The following EML2 variants were observed in gnomAD, a reference collection of about 807,000 sequenced individuals.
The protein encoded by EML2 is echinoderm microtubule-associated protein-like 2.
Under a neutral mutation model 84.7 loss-of-function variants are expected in EML2, and 59 were observed. The observed-to-expected ratio is 0.70, with a 90% CI of 0.56 to 0.86. EML2 has a LOEUF of 0.86. EML2 is among the 40% of genes least tolerant of loss of function. The pLI, the probability that EML2 is intolerant of heterozygous loss-of-function variation, is 0.00. For synonymous variants in EML2, 352 were observed against 348.9 expected, an observed-to-expected ratio of 1.01 and a Z score of -0.10; for missense variants, 818 against 855.6, an observed-to-expected ratio of 0.96 and a Z score of 0.55.
upstream of EML2, chr19:45,643,761 C>T: frequency 1.3e-6 from 2 of 1,501,686 alleles, no homozygotes; most frequent in Non-Finnish European, 1.8e-6. Context: ...CCCTTCGTAG[C>T]CCAATCGCCT....
At chr19:45,618,534 C>A (rs1369322500) in intron 12 of EML2, among the ~76,000 whole-genome samples, 3 of 152,100 alleles carry the variant, frequency 2.0e-5, no homozygotes, top group Admixed American at 2.0e-4. Flanking sequence ...GGCGGCACCC[C>A]TGACAGGATG....
chr19:45,611,635 G>C (rs1970510917), intron 18 of EML2, among the ~76,000 whole-genome samples: 1 of 151,736 alleles, frequency 6.6e-6, no homozygotes, highest in Non-Finnish European at 1.5e-5. Context: ...ACAGGTGCCC[G>C]CCACCACCCA....
At chr19:45,645,046 C>A (rs1384664998), upstream of EML2, 5 of 602,128 alleles carry the variant, frequency 8.3e-6, no homozygotes, top group Non-Finnish European at 1.5e-5. Flanking sequence ...TCTCTCCTCT[C>A]CGTCTAGCCA....
Position 45,621,649 on chromosome 19 carries a change from C to G in EML2, c.842-12G>C. 1 of 1,604,528 alleles carries G rather than the reference C, an allele frequency of 6.2e-7. No individual in the cohort carries two copies. The highest frequency in any genetic ancestry group is 8.5e-7 in the Non-Finnish European group (1 of 1,178,942). ...GATACGGTTCCCACCTGCAGGGTGG[C>G]CAGGGGCAGGGTCAACAGGGAGAAG... On this transcript the variant is annotated splice_polypyrimidine_tract_variant and intron_variant, in intron 9 of 18. Transcript: ENST00000245925.
intron 3 of EML2, among the ~76,000 whole-genome samples, chr19:45,636,363 C>T (rs1973724343): frequency 1.3e-5 from 2 of 152,214 alleles, no homozygotes; most frequent in South Asian, 4.1e-4. Context: ...TTGTTAACTG[C>T]TCATATTCCC....
At position 45,609,693 on chromosome 19, in the gene EML2, G is replaced by A; in HGVS notation, c.1920C>T (p.Asp640=). The A allele has an allele frequency of 6.2e-7, 1 of 1,612,838 alleles. No individual in the cohort carries two copies. The highest frequency in any genetic ancestry group is 1.1e-5 in the South Asian group (1 of 90,966). The change falls in exon 19 of 19, where the codon GAC becomes GAT. Residue 640 remains aspartate, a synonymous_variant. Coordinates refer to ENST00000245925, the MANE Select transcript of EML2 (RefSeq NM_012155.4). ...DSMALTTGGK[D]TSVLQWRVV is the part of the protein sequence containing the mutation. ...CCACCCGCCACTGTAGCACACTGGT[G>A]TCCTTGCCCCCTGTGGTCAGGGCCA...
At chr19:45,644,917 T>G, upstream of EML2, 1 of 430,406 alleles carries the variant, frequency 2.3e-6, no homozygotes, top group Admixed American at 2.6e-5. Context: ...CCCCCTGCTA[T>G]GGAGATAGGG....
At chr19:45,636,660 G>C (rs1234879091) in intron 3 of EML2, among the ~76,000 whole-genome samples, 2 of 152,136 alleles carry the variant, frequency 1.3e-5, no homozygotes, top group Non-Finnish European at 2.9e-5. Flanking sequence ...AAAATATCTT[G>C]AATGGGCCAA....
chr19:45,630,728 A>T (rs1972933407), intron 6 of EML2, among the ~76,000 whole-genome samples: 1 of 152,160 alleles, frequency 6.6e-6, no homozygotes, highest in South Asian at 2.1e-4. Context: ...CTCTGCAGCC[A>T]GCACCCCTAG....
rs765066711 is a variant in EML2 at position 45,638,863 on chromosome 19, C to A, written c.31G>T (p.Glu11Ter). 7.4e-6 allele frequency: 12 copies of A among 1,613,604 alleles called. No individual in the cohort carries two copies. Among genetic ancestry groups the A allele is most frequent in the South Asian group, 5.5e-5 (5 of 91,038 alleles). The change falls in exon 2 of 19, where the codon GAA (glutamate) becomes TAA (stop). Residue 11 changes from glutamate (E) to a stop codon, truncating the protein, a stop_gained. Transcript: ENST00000245925. LOFTEE classifies it high-confidence loss of function. ...CACTCACCCACACTGAAGATAACTTCTTTGGTTTTGCTGTCAGGAAAGGAC... is the reference window on the plus strand; with the variant it reads ...CACTCACCCACACTGAAGATAACTTATTTGGTTTTGCTGTCAGGAAAGGAC... MSSFGAGKTK[E>*]VIFSVEDGSV...
chr19:45,614,063 C>G (rs1312186318), intron 17 of EML2, among the ~76,000 whole-genome samples: 1 of 152,228 alleles, frequency 6.6e-6, no homozygotes, highest in African/African-American at 2.4e-5. Context: ...AGACTGCTTT[C>G]CTTCTTCACT....
chr19:45,627,663 C>T (rs1351638621), intron 7 of EML2, among the ~76,000 whole-genome samples: 1 of 152,236 alleles, frequency 6.6e-6, no homozygotes, highest in Admixed American at 6.5e-5. Context: ...AGCTCCTCTC[C>T]TCTGCCCTAA....
At position 45,634,339 on chromosome 19, in the gene EML2, G is replaced by T; in HGVS notation, c.312C>A (p.His104Gln). 5 of 1,613,528 alleles carry T rather than the reference G, an allele frequency of 3.1e-6. No individual in the cohort carries two copies. Among genetic ancestry groups the T allele is most frequent in the Non-Finnish European group, 3.4e-6 (4 of 1,179,662 alleles). The change falls in exon 4 of 19, where the codon CAC (histidine) becomes CAA (glutamine). Residue 104 changes from histidine to glutamine, a missense_variant. His to Gln is a conservative substitution (Grantham distance 24, BLOSUM62 0). Transcript: ENST00000245925. The part of the protein sequence containing the change: ...EEQRQRHYLG[H>Q]NDDIKCLAIH... ...CATCTCACCATTTGATGTCATCGTT[G>T]TGTCCCAGGTAGTGTCGCTGCCTCT...
chr19:45,616,465 C>A lies in EML2; in HGVS notation c.1505G>T (p.Cys502Phe), dbSNP rs771030163. The A allele has an allele frequency of 2.5e-6, 4 of 1,587,302 alleles. No individual in the cohort carries two copies. The East Asian group carries it at 6.8e-5, about 27-fold the overall frequency. ...TGGGGGCCACTGCCCACTCACCGAG[C>A]ACTTGCCCAGGCGGCTGACCTTGCG... is the stretch of plus-strand genomic sequence containing the variant. ...GGRKVSRLGKCSGHSSFITHL... is the reference protein window; with the variant it reads ...GGRKVSRLGKFSGHSSFITHL... The change falls in exon 15 of 19, where the codon TGC becomes TTC. Residue 502 changes from cysteine to phenylalanine, a missense_variant. Physicochemically the swap from Cys to Phe is radical, Grantham distance 205. Coordinates refer to ENST00000245925, the MANE Select transcript of EML2 (RefSeq NM_012155.4).
Position 45,609,796 on chromosome 19 carries a change from A to C in EML2, c.1825-8T>G. 1.9e-6 allele frequency: 3 copies of C among 1,611,402 alleles called. No homozygotes were observed. The highest frequency in any genetic ancestry group is 1.3e-5 in the African/African-American group (1 of 74,776). On this transcript the variant is annotated splice_region_variant and splice_polypyrimidine_tract_variant and intron_variant, in intron 18 of 18. Transcript: ENST00000245925. Reference sequence around the variant, plus strand: ...GTACTTGTGGCTGAGGGCCTGTTACAAGGAAAGAAGTAAGTGAAGAAATGT... The same window carrying C: ...GTACTTGTGGCTGAGGGCCTGTTACCAGGAAAGAAGTAAGTGAAGAAATGT...
In EML2 at chr19:45,621,589, A is replaced by ACGC. The variant is rs1331602240; in HGVS notation, c.887_889dup (p.Gly296dup). 8.7e-6 allele frequency: 14 copies of ACGC among 1,610,978 alleles called. No homozygotes were observed. Among genetic ancestry groups the ACGC allele is most frequent in the South Asian group, 1.1e-5 (1 of 91,054 alleles). On this transcript the variant is annotated inframe_insertion, in exon 10 of 19. Coordinates refer to ENST00000245925, the MANE Select transcript of EML2 (RefSeq NM_012155.4). ...GTCCCGCAGGGCGCAGAGCCCAAAC[A>ACGC]CGCCGCCGTCGTGGGCGCCCAGCAC... is the stretch of plus-strand genomic sequence containing the variant.
chr19:45,626,991 AC>A lies in EML2; in HGVS notation c.607-153del, dbSNP rs1303756112. On this transcript the variant is annotated intron_variant, in intron 7 of 18. Transcript: ENST00000245925. The stretch of plus-strand genomic sequence containing the variant: ...TTTTTTTTTTTCAGGGCAGAGTCTC[AC>A]CCTGTCACCCAGACTGGAGTGCAGT... 5.6e-5 allele frequency: 37 copies of A among 659,710 alleles called. No homozygotes were observed. The African/African-American group carries it at 8.0e-4, about 14-fold the overall frequency. The allele number at this position is 659,710 out of a possible 1,614,324, so 40.9% of individuals were successfully genotyped here.
intron 1 of EML2, chr19:45,639,140 A>T: frequency 1.5e-6 from 1 of 667,120 alleles, no homozygotes; most frequent in Non-Finnish European, 2.6e-6. Context: ...GGAGTCACCA[A>T]GGACCCTTCC....
At chr19:45,642,333 C>G, upstream of EML2, 3 of 1,532,002 alleles carry the variant, frequency 2.0e-6, no homozygotes, top group Non-Finnish European at 2.6e-6. Context: ...CCATACCGCT[C>G]GTGCCCGACA....
Sources: gnomAD v4.1 joint callset for allele counts (sites outside exome capture counted in the v4.1 genomes callset) on GRCh38, gnomAD v4.1.1 for gene constraint, MANE v1.5 for transcripts, NCBI Gene and HGNC (gene_info 2026-07-23, HGNC 2026-07-21) for gene names.